FIGN: variants seen among roughly 807,000 people sequenced by gnomAD.
FIGN encodes fidgetin.
In FIGN, 11 loss-of-function variants were observed where a neutral mutation model predicts 51.3. That is an observed-to-expected ratio of 0.21 (90% confidence interval 0.13 to 0.35). FIGN has a LOEUF of 0.35. Ranked by LOEUF, FIGN falls within the 10% of genes least tolerant of loss-of-function variation. The pLI, the probability that FIGN is intolerant of heterozygous loss-of-function variation, is 1.00. For synonymous variants in FIGN, 407 were observed against 363.2 expected, an observed-to-expected ratio of 1.12 and a Z score of -1.37; for missense variants, 857 against 943.6, an observed-to-expected ratio of 0.91 and a Z score of 1.20.
chr2:163,604,194 TTAAATTTA>T lies in FIGN; in HGVS notation c.*5350_*5357del, dbSNP rs1237208545. Reference sequence around the variant, plus strand: ...AAATAGTTAAGTACCATTATTTCTCTTAAATTTAGGAGCTGAGGGTGTCAGTCAAAATA... The same window carrying T: ...AAATAGTTAAGTACCATTATTTCTCTGGAGCTGAGGGTGTCAGTCAAAATA... On this transcript the variant is annotated 3_prime_UTR_variant, in exon 3 of 3. Coordinates refer to ENST00000333129, the MANE Select transcript of FIGN (RefSeq NM_018086.4). 6.6e-6 allele frequency: 1 copy of T among 152,122 alleles called. No homozygotes were observed. Among genetic ancestry groups the T allele is most frequent in the African/African-American group, 2.4e-5 (1 of 41,450 alleles). The allele number at this position is 152,122 out of a possible 1,614,324, so 9.4% of individuals were successfully genotyped here.
intron 2 of FIGN, among the ~76,000 whole-genome samples, chr2:163,667,095 G>C (rs1683791943): frequency 6.6e-6 from 1 of 151,978 alleles, no homozygotes; most frequent in Non-Finnish European, 1.5e-5. Flanking sequence ...CAGAGGCATA[G>C]TTTCCAGAAA....
chr2:163,705,631 ATT>A (rs1360275141), intron 2 of FIGN, among the ~76,000 whole-genome samples: 2 of 151,386 alleles, frequency 1.3e-5, no homozygotes, highest in African/African-American at 4.9e-5. Flanking sequence ...TATATTGTTT[ATT>A]TTTTGTCTTT....
At chr2:163,731,852 G>A (rs945115582) in intron 2 of FIGN, among the ~76,000 whole-genome samples, 1 of 151,626 alleles carries the variant, frequency 6.6e-6, no homozygotes, top group Non-Finnish European at 1.5e-5. Flanking sequence ...AAACAACAAT[G>A]AGACTTTATT....
chr2:163,651,916 C>A (rs1306872703), intron 2 of FIGN, among the ~76,000 whole-genome samples: 2 of 152,156 alleles, frequency 1.3e-5, no homozygotes, highest in Non-Finnish European at 2.9e-5. Context: ...TTTAAGCAAA[C>A]CTTATACCTA....
intron 2 of FIGN, among the ~76,000 whole-genome samples, chr2:163,626,614 A>T (rs1429838436): frequency 6.6e-6 from 1 of 152,140 alleles, no homozygotes; most frequent in African/African-American, 2.4e-5. Context: ...TTTTAGTTAG[A>T]AACTAAGTAT....
In FIGN at chr2:163,611,578, C is replaced by T; in HGVS notation, c.254G>A (p.Arg85Gln). The change falls in exon 3 of 3, where the codon CGA becomes CAA. Residue 85 changes from arginine (R) to glutamine (Q), a missense_variant. Physicochemically the swap from Arg to Gln is conservative, Grantham distance 43 (BLOSUM62 1). Coordinates refer to ENST00000333129, the MANE Select transcript of FIGN (RefSeq NM_018086.4). Reference protein sequence around the residue: ...YSGILEGPVDRPVLSNYSDTP... With the variant: ...YSGILEGPVDQPVLSNYSDTP... ...GTCCGAATAGTTGCTGAGTACGGGTCGGTCCACAGGACCTTCCAAAATGCC... is the reference window on the plus strand; with the variant it reads ...GTCCGAATAGTTGCTGAGTACGGGTTGGTCCACAGGACCTTCCAAAATGCC... 12 of 1,614,218 alleles carry T rather than the reference C, an allele frequency of 7.4e-6. No individual in the cohort carries two copies. The highest frequency in any genetic ancestry group is 1.0e-5 in the Non-Finnish European group (12 of 1,180,034).
chr2:163,663,052 A>G (rs1379464315), intron 2 of FIGN, among the ~76,000 whole-genome samples: 6 of 151,952 alleles, frequency 3.9e-5, no homozygotes, highest in African/African-American at 9.7e-5. Context: ...GAACTAATAC[A>G]ACGATGTTGG....
At chr2:163,652,388 A>T (rs1050597598) in intron 2 of FIGN, among the ~76,000 whole-genome samples, 18 of 150,724 alleles carry the variant, frequency 1.2e-4, no homozygotes, top group Non-Finnish European at 1.9e-4. Context: ...ACACACACAC[A>T]CTTTCACTAA....
At chr2:163,729,399 T>C (rs1483789894) in intron 2 of FIGN, among the ~76,000 whole-genome samples, 1 of 152,044 alleles carries the variant, frequency 6.6e-6, no homozygotes, top group Non-Finnish European at 1.5e-5. Flanking sequence ...TTCAACATAA[T>C]GAAATGGGGT....
rs192898262 is a variant in FIGN at position 163,607,880 on chromosome 2, C to T, written c.*1672G>A. The stretch of plus-strand genomic sequence containing the variant: ...AGCCCACTATCAATGAAAGGTTGCA[C>T]ATAAAGCATTAAAGGATACAAAGAA... On this transcript the variant is annotated 3_prime_UTR_variant, in exon 3 of 3. Coordinates refer to ENST00000333129, the MANE Select transcript of FIGN (RefSeq NM_018086.4). The T allele has an allele frequency of 6.6e-6, 1 of 152,542 alleles. No individual in the cohort carries two copies. Among genetic ancestry groups the T allele is most frequent in the African/African-American group, 2.4e-5 (1 of 41,472 alleles). 9.4% of individuals were successfully genotyped at this position (152,542 alleles called of 1,614,324 possible). A position where few individuals can be genotyped will look rare whatever the true frequency, so the allele number is the denominator to read the frequency against.
chr2:163,733,541 C>A (rs1436149074), intron 2 of FIGN, among the ~76,000 whole-genome samples: 2 of 152,194 alleles, frequency 1.3e-5, no homozygotes, highest in African/African-American at 4.8e-5. Context: ...CAATCCCATT[C>A]GCTCCAACAG....
rs948106779 is a variant in FIGN at position 163,608,461 on chromosome 2, T to C, written c.*1091A>G. 20 of 152,900 alleles carry C rather than the reference T, an allele frequency of 1.3e-4. No homozygotes were observed. The highest frequency in any genetic ancestry group is 4.6e-4 in the African/African-American group (19 of 41,454). The allele number at this position is 152,900 out of a possible 1,614,324, so 9.5% of individuals were successfully genotyped here. On this transcript the variant is annotated 3_prime_UTR_variant, in exon 3 of 3. Transcript: ENST00000333129. Reference sequence around the variant, plus strand: ...CCACCATCACCACCACTACCACCTATGCAATAAAAAGGCAGTCATAGTTTT... The same window carrying C: ...CCACCATCACCACCACTACCACCTACGCAATAAAAAGGCAGTCATAGTTTT...
At chr2:163,730,504 T>TTGTGTGTGTGTGTG (rs59444555) in intron 2 of FIGN, among the ~76,000 whole-genome samples, 30 of 149,028 alleles carry the variant, frequency 2.0e-4, no homozygotes, top group African/African-American at 4.0e-4. Flanking sequence ...TGCTCCGTGT[T>TTGTGTGTGTGTGTG]TGTGTGTGTG....
chr2:163,735,301 C>T (rs1423040879), intron 1 of FIGN, among the ~76,000 whole-genome samples: 1 of 151,558 alleles, frequency 6.6e-6, no homozygotes, highest in Non-Finnish European at 1.5e-5. Flanking sequence ...GCCAACAATA[C>T]GCCCACCACG....
chr2:163,610,673 G>C lies in FIGN; in HGVS notation c.1159C>G (p.Gln387Glu), dbSNP rs374676137. ...KPTKQLMSSE[Q>E]QRKFSSQSSR... The stretch of plus-strand genomic sequence containing the variant: ...GACTGGCTGCTGAATTTCCTTTGCT[G>C]TTCAGAGGACATTAGCTGCTTCGTT... The change falls in exon 3 of 3, where the codon CAG becomes GAG. Residue 387 changes from glutamine to glutamate, a missense_variant. This residue lies in a region of FIGN where 799 missense variants were observed against 849.5 expected (regional missense o/e 0.94). Transcript: ENST00000333129. The C allele has an allele frequency of 1.8e-5, 29 of 1,614,104 alleles. No individual in the cohort carries two copies. Among genetic ancestry groups the C allele is most frequent in the Non-Finnish European group, 2.2e-5 (26 of 1,180,052 alleles).
At chr2:163,648,241 C>A (rs1683413898) in intron 2 of FIGN, among the ~76,000 whole-genome samples, 1 of 152,050 alleles carries the variant, frequency 6.6e-6, no homozygotes, top group African/African-American at 2.4e-5. Context: ...CAGTACAATT[C>A]TTTAATTTTA....
intron 2 of FIGN, among the ~76,000 whole-genome samples, chr2:163,628,658 G>C (rs1472387338): frequency 6.6e-6 from 1 of 152,014 alleles, no homozygotes; most frequent in Non-Finnish European, 1.5e-5. Flanking sequence ...CTCCACAAAA[G>C]ATTTCAGAGG....
At chr2:163,689,211 G>GAAACACACAC (rs1402200983) in intron 2 of FIGN, among the ~76,000 whole-genome samples, 3 of 100,852 alleles carry the variant, frequency 3.0e-5, no homozygotes, top group Admixed American at 1.8e-4. Context: ...CACACACAGA[G>GAAACACACAC]AGAGAGTGAG....
chr2:163,629,131 G>C (rs1291991343), intron 2 of FIGN, among the ~76,000 whole-genome samples: 6 of 152,146 alleles, frequency 3.9e-5, no homozygotes, highest in African/African-American at 1.4e-4. Context: ...AAAGTGTGTA[G>C]AATGAGATAA....
Sources: allele counts gnomAD v4.1 joint callset (sites outside exome capture counted in the v4.1 genomes callset), GRCh38; gene constraint gnomAD v4.1.1; regional missense constraint gnomAD v4.1.1; transcripts MANE v1.5; gene names NCBI Gene and HGNC (gene_info 2026-07-23, HGNC 2026-07-21).